GIT1: variants seen among roughly 807,000 people sequenced by gnomAD.
GIT1 encodes the protein GIT ArfGAP 1, also known as ARF GTPase-activating protein GIT1.
Under a neutral mutation model 91.7 loss-of-function variants are expected in GIT1, and 14 were observed. That is an observed-to-expected ratio of 0.15 (90% CI 0.10 to 0.24). GIT1 has a LOEUF of 0.24. Ranked by LOEUF, GIT1 falls within the 10% of genes least tolerant of loss-of-function variation. The pLI is 1.00. For missense variants in GIT1, 717 were observed against 1,024.9 expected, an observed-to-expected ratio of 0.70 and a Z score of 4.10; for synonymous variants, 414 against 418.2, an observed-to-expected ratio of 0.99 and a Z score of 0.12.
intron 1 of GIT1, among the ~76,000 whole-genome samples, chr17:29,588,880 C>T (rs1035520520): frequency 6.6e-5 from 10 of 152,228 alleles, no homozygotes; most frequent in African/African-American, 2.4e-5. Context: ...TCCACCACCC[C>T]GGCAGGCGTA....
In GIT1 at chr17:29,575,833, G is replaced by A. The variant is rs377012557; in HGVS notation, c.1731C>T (p.Ser577=). Residue 577 remains serine (S), a synonymous_variant, in exon 16 of 20, where the codon TCC becomes TCT. Coordinates refer to ENST00000225394, the MANE Select transcript of GIT1 (RefSeq NM_014030.4). The surrounding 1 kb of genome is among the most constrained non-coding windows in gnomAD (Gnocchi z 5.5). ...TTACCGTGTGGCGGCTTCCCTCCTGGGAGCAGGACAGCAGCGGGGAGGAGG... is the reference window on the plus strand; with the variant it reads ...TTACCGTGTGGCGGCTTCCCTCCTGAGAGCAGGACAGCAGCGGGGAGGAGG... ...FTPSSPLLSC[S]QEGSRHTSKL... The A allele has an allele frequency of 7.8e-5, 126 of 1,612,788 alleles. 2 individuals are homozygous for A. The highest frequency in any genetic ancestry group is 5.6e-4 in the East Asian group (25 of 44,858).
At chr17:29,578,215 CCTT>C in intron 9 of GIT1, 81 bp downstream of exon 9, 3 of 1,134,138 alleles carry the variant, frequency 2.6e-6, no homozygotes, top group Non-Finnish European at 2.7e-6. Context: ...CCCAGGCACC[CCTT>C]CTTAGCCCAG....
Position 29,583,475 on chromosome 17 carries a change from C to A in GIT1, c.186+8G>T, listed in dbSNP as rs1357817867. ...GGGAAGGAAGAACCACCCGACTGAG[C>A]CCTGTACCTGCAGCAGCGTGGGAGG... On this transcript the variant is annotated splice_region_variant and intron_variant, in intron 2 of 19. Transcript: ENST00000225394. 3 of 1,611,002 alleles carry A rather than the reference C, an allele frequency of 1.9e-6. No individual in the cohort carries two copies. The highest frequency in any genetic ancestry group is 2.7e-5 in the African/African-American group (2 of 74,882).
Position 29,576,269 on chromosome 17 carries a change from C to T in GIT1, c.1562G>A (p.Gly521Asp). 6.2e-7 allele frequency: 1 copy of T among 1,610,236 alleles called. No homozygotes were observed. The highest frequency in any genetic ancestry group is 8.5e-7 in the Non-Finnish European group (1 of 1,177,816). Residue 521 changes from glycine to aspartate, a missense_variant, in exon 14 of 20, where the codon GGC becomes GAC. Gly to Asp is a moderately conservative substitution (Grantham distance 94). This residue lies in a region of GIT1 where 312 missense variants were observed against 349.5 expected (regional missense o/e 0.89). Transcript: ENST00000225394. The part of the protein sequence containing the change: ...EPGSALKPFG[G>D]PPGDELTTRL... ...CGTAGTGAGCTCGTCCCCAGGGGGG[C>T]CCCCAAAGGGCTTCAGGGCAGAGCC... is the stretch of plus-strand genomic sequence containing the variant.
chr17:29,578,213 C>T (rs765026704), intron 9 of GIT1, 86 bp downstream of exon 9: 14 of 1,115,118 alleles, frequency 1.3e-5, no homozygotes, highest in Non-Finnish European at 1.8e-5. Flanking sequence ...ACCCCAGGCA[C>T]CCCTTCTTAG....
chr17:29,583,079 G>T, intron 2 of GIT1, 42 bp from the exon 3 acceptor site: 1 of 1,269,032 alleles, frequency 7.9e-7, no homozygotes, highest in Non-Finnish European at 1.1e-6. Flanking sequence ...CCCACTGCGT[G>T]CTAAGCAATG....
Position 29,575,187 on chromosome 17 carries a change from G to A in GIT1, c.2010-45C>T, listed in dbSNP as rs546843. ...TATAAAGCAGGGGGCTCTCAAGGGA[G>A]GTTCCCAGGGACAGCAGAACCCAGG... On this transcript the variant is annotated intron_variant, in intron 18 of 19. Coordinates refer to ENST00000225394, the MANE Select transcript of GIT1 (RefSeq NM_014030.4). The surrounding 1 kb of genome is among the most constrained non-coding windows in gnomAD (Gnocchi z 5.5). 11 of 1,563,980 alleles carry A rather than the reference G, an allele frequency of 7.0e-6. No individual in the cohort carries two copies. In the Admixed American group the frequency reaches 1.4e-4, roughly 20 times the overall value.
Position 29,577,683 on chromosome 17 carries a change from G to C in GIT1, c.943C>G (p.Leu315Val). ...LVTERSAVPF[L>V]PVNPEYSATR... ...GCTGAGTATTCCGGGTTAACAGGCA[G>C]GAAGGGCACGGCACTGCGCTCTGTC... The change falls in exon 10 of 20, where the codon CTG (leucine) becomes GTG (valine). Residue 315 changes from leucine (L) to valine (V), a missense_variant. This residue lies in a region of GIT1 where 271 missense variants were observed against 451.6 expected (regional missense o/e 0.60). Transcript: ENST00000225394. 1 of 1,613,042 alleles carries C rather than the reference G, an allele frequency of 6.2e-7. No individual in the cohort carries two copies. Among genetic ancestry groups the C allele is most frequent in the Non-Finnish European group, 8.5e-7 (1 of 1,179,220 alleles).
Position 29,581,840 on chromosome 17 carries a change from TGAG to T in GIT1, c.624-7_624-5del. 1 of 1,611,982 alleles carries T rather than the reference TGAG, an allele frequency of 6.2e-7. No individual in the cohort carries two copies. The highest frequency in any genetic ancestry group is 1.1e-5 in the South Asian group (1 of 91,050). ...CAGCTCATGGTGCCCCGCCTGCCTG[TGAG>T]GAGGGGGTATGGCTCAGACCTGCAG... On this transcript the variant is annotated splice_region_variant and splice_polypyrimidine_tract_variant and intron_variant, in intron 5 of 19. Coordinates refer to ENST00000225394, the MANE Select transcript of GIT1 (RefSeq NM_014030.4). The surrounding 1 kb of genome is among the most constrained non-coding windows in gnomAD (Gnocchi z 4.8).
Position 29,582,758 on chromosome 17 carries a change from T to C in GIT1, c.345A>G (p.Ala115=), listed in dbSNP as rs1349556870. Residue 115 remains alanine, a synonymous_variant, in exon 4 of 20, where the codon GCA becomes GCG. Coordinates refer to ENST00000225394, the MANE Select transcript of GIT1 (RefSeq NM_014030.4). Reference sequence around the variant, plus strand: ...CCCGGCAGGGAAGCTTGTGCACAAATGCCAGCATCTGGTACTTGGCCCTGA... The same window carrying C: ...CCCGGCAGGGAAGCTTGTGCACAAACGCCAGCATCTGGTACTTGGCCCTGA... The part of the protein sequence containing the change: ...EFIRAKYQML[A]FVHKLPCRDD... 6.2e-7 allele frequency: 1 copy of C among 1,613,592 alleles called. No homozygotes were observed. Among genetic ancestry groups the C allele is most frequent in the Non-Finnish European group, 8.5e-7 (1 of 1,179,992 alleles).
chr17:29,587,678 A>G (rs1221806208), intron 1 of GIT1, among the ~76,000 whole-genome samples: 2 of 152,154 alleles, frequency 1.3e-5, no homozygotes, highest in South Asian at 2.1e-4. Context: ...CAGCCCCCCA[A>G]AAACCATTTC....
At chr17:29,586,951 C>A (rs926738771) in intron 1 of GIT1, among the ~76,000 whole-genome samples, 2 of 152,222 alleles carry the variant, frequency 1.3e-5, no homozygotes, top group African/African-American at 2.4e-5. Flanking sequence ...CACACTTGTC[C>A]TGTGTGCCCA....
At chr17:29,585,158 C>T (rs543270221) in intron 1 of GIT1, among the ~76,000 whole-genome samples, 5 of 152,022 alleles carry the variant, frequency 3.3e-5, no homozygotes, top group Admixed American at 2.6e-4. Flanking sequence ...GAGGGGGAGC[C>T]CTAGCATGCA....
intron 7 of GIT1, among the ~76,000 whole-genome samples, chr17:29,580,316 A>T (rs2033354986): frequency 6.6e-6 from 1 of 152,214 alleles, no homozygotes. Flanking sequence ...ATCAGACCAT[A>T]GAAGTAGGAG....
chr17:29,579,052 G>C, intron 7 of GIT1: 3 of 1,451,016 alleles, frequency 2.1e-6, no homozygotes, highest in Non-Finnish European at 2.9e-6. Context: ...CCAGGAGCAG[G>C]GCAGCACACG....
Position 29,574,275 on chromosome 17 carries a change from A to C in GIT1, c.*427T>G. ...CAGGGCAGGGACATCCATGGAGACT[A>C]TGTACAAAGGAGGGGATGCCCCCGC... On this transcript the variant is annotated 3_prime_UTR_variant, in exon 20 of 20. Transcript: ENST00000225394. 7 of 207,224 alleles carry C rather than the reference A, an allele frequency of 3.4e-5. No homozygotes were observed. The highest frequency in any genetic ancestry group is 1.4e-4 in the East Asian group (1 of 7,100). The allele number at this position is 207,224 out of a possible 1,614,324, so 12.8% of individuals were successfully genotyped here.
intron 9 of GIT1, among the ~76,000 whole-genome samples, chr17:29,578,098 G>A (rs1426742032): frequency 1.3e-5 from 2 of 152,152 alleles, no homozygotes; most frequent in African/African-American, 2.4e-5. Flanking sequence ...GCTGGGGGAG[G>A]AGCACGCTAG....
intron 10 of GIT1, 25 bp downstream of exon 10, chr17:29,577,620 C>T (rs919127270): frequency 6.8e-7 from 1 of 1,471,200 alleles, no homozygotes; most frequent in Admixed American, 1.7e-5. Context: ...TAGACCACCC[C>T]AGGCCCCCAA....
At chr17:29,584,316 C>T (rs566340776) in intron 1 of GIT1, among the ~76,000 whole-genome samples, 11 of 152,206 alleles carry the variant, frequency 7.2e-5, no homozygotes, top group Admixed American at 1.3e-4. Flanking sequence ...TTCAAGGATG[C>T]GAGGCTAATG....
Sources: gnomAD v4.1 joint callset for allele counts (sites outside exome capture counted in the v4.1 genomes callset) on GRCh38, gnomAD v4.1.1 for gene constraint, gnomAD v4.1.1 regional missense constraint, Gnocchi (gnomAD v3.1) non-coding constraint, MANE v1.5 for transcripts, NCBI Gene and HGNC (gene_info 2026-07-23, HGNC 2026-07-21) for gene names.